CDC42SE2: variants seen among roughly 807,000 people sequenced by gnomAD.
CDC42SE2 encodes CDC42 small effector protein 2.
Under a neutral mutation model 11.5 loss-of-function variants are expected in CDC42SE2, and 3 were observed. That is an observed-to-expected ratio of 0.26 (90% CI 0.12 to 0.67). The LOEUF (loss-of-function observed/expected upper bound fraction) is 0.67, where lower values mean the gene tolerates loss of function less well. Among genes scored for constraint, CDC42SE2 ranks in the 30% least tolerant of loss-of-function variants. CDC42SE2 has a pLI of 0.80. For missense variants in CDC42SE2, 82 were observed against 106.8 expected, an observed-to-expected ratio of 0.77 and a Z score of 1.02; for synonymous variants, 33 against 34.8, an observed-to-expected ratio of 0.95 and a Z score of 0.18.
chr5:131,290,951 G>A (rs1016658297), intron 1 of CDC42SE2, among the ~76,000 whole-genome samples: 6 of 152,044 alleles, frequency 3.9e-5, no homozygotes, highest in African/African-American at 7.2e-5. Context: ...ATTTTTCCCA[G>A]AGTTCAAGAT....
chr5:131,265,653 TGGC>T (rs1336928109), intron 1 of CDC42SE2, among the ~76,000 whole-genome samples: 1 of 152,184 alleles, frequency 6.6e-6, no homozygotes, highest in African/African-American at 2.4e-5. Flanking sequence ...TTGGGAAAGA[TGGC>T]AGGTGAACTG....
chr5:131,225,862 T>C, the CDC42SE2 span, among the ~76,000 whole-genome samples: 4 of 152,192 alleles, frequency 2.6e-5, no homozygotes, highest in African/African-American at 7.2e-5. Flanking sequence ...ATCTTACCAA[T>C]TGTGATTGAT....
chr5:131,347,464 C>G (rs1265583070), intron 2 of CDC42SE2, among the ~76,000 whole-genome samples: 2 of 152,136 alleles, frequency 1.3e-5, no homozygotes, highest in Admixed American at 1.3e-4. Flanking sequence ...AGTTGAATCC[C>G]TGAATAGACC....
At chr5:131,270,433 T>C (rs1446115335) in intron 1 of CDC42SE2, among the ~76,000 whole-genome samples, 1 of 152,216 alleles carries the variant, frequency 6.6e-6, no homozygotes, top group Non-Finnish European at 1.5e-5. Flanking sequence ...TTCATTTGAC[T>C]TAATAAAACT....
intron 3 of CDC42SE2, among the ~76,000 whole-genome samples, chr5:131,367,725 ATTCT>A (rs1219190497): frequency 6.6e-6 from 1 of 152,126 alleles, no homozygotes; most frequent in African/African-American, 2.4e-5. Context: ...CTGAATACAA[ATTCT>A]TTGTTGGTTA....
At chr5:131,318,842 G>A (rs1256788637) in intron 2 of CDC42SE2, among the ~76,000 whole-genome samples, 1 of 152,202 alleles carries the variant, frequency 6.6e-6, no homozygotes, top group Non-Finnish European at 1.5e-5. Flanking sequence ...AACTTGAATT[G>A]TGAGTTAGGT....
chr5:131,325,276 A>G (rs1758272611), intron 2 of CDC42SE2, among the ~76,000 whole-genome samples: 1 of 152,224 alleles, frequency 6.6e-6, no homozygotes, highest in Non-Finnish European at 1.5e-5. Context: ...CTACACAGCT[A>G]CTATAGTGTG....
In CDC42SE2 at chr5:131,307,623, A is replaced by G. The variant is rs1253267728; in HGVS notation, c.-454-8353A>G. On this transcript the variant is annotated intron_variant, in intron 1 of 4. Coordinates refer to ENST00000505065, the MANE Select transcript of CDC42SE2 (RefSeq NM_001375635.1). ...GGTCAAATGGTATTTCTAGTTCTAG[A>G]TCCCTGAGGAATTGCCACACTGACT... 2.6e-5 allele frequency among the ~76,000 whole-genome samples: 4 copies of G among 152,104 alleles called. No homozygotes were observed. The East Asian group carries it at 7.7e-4, about 29-fold the overall frequency.
At chr5:131,382,023 C>G (rs1326788069) in intron 3 of CDC42SE2, among the ~76,000 whole-genome samples, 1 of 152,206 alleles carries the variant, frequency 6.6e-6, no homozygotes, top group Non-Finnish European at 1.5e-5. Flanking sequence ...AAGCTTCTTT[C>G]ATATCTCACA....
chr5:131,346,465 T>C (rs1580769535), intron 2 of CDC42SE2, among the ~76,000 whole-genome samples: 1 of 152,202 alleles, frequency 6.6e-6, no homozygotes, highest in African/African-American at 2.4e-5. Flanking sequence ...GTCCTAAATA[T>C]ATGTGCATCT....
the CDC42SE2 span, among the ~76,000 whole-genome samples, chr5:131,212,297 G>A: frequency 3.9e-5 from 6 of 152,020 alleles, no homozygotes; most frequent in Admixed American, 1.3e-4. Flanking sequence ...TAGCAGAGAC[G>A]GGGTTTTACT....
chr5:131,219,861 CA>C, the CDC42SE2 span, among the ~76,000 whole-genome samples: 1 of 152,060 alleles, frequency 6.6e-6, no homozygotes, highest in Admixed American at 6.6e-5. Flanking sequence ...CACTTGAGCC[CA>C]GGGGGCAGAG....
At chr5:131,238,239 T>C in the CDC42SE2 span, among the ~76,000 whole-genome samples, 2 of 152,144 alleles carry the variant, frequency 1.3e-5, no homozygotes, top group African/African-American at 4.8e-5. Flanking sequence ...GGCTCATGCC[T>C]GTAATCCCAG....
chr5:131,227,312 A>G, the CDC42SE2 span, among the ~76,000 whole-genome samples: 1 of 152,062 alleles, frequency 6.6e-6, no homozygotes, highest in African/African-American at 2.4e-5. Flanking sequence ...TATAAGGAAG[A>G]AAGACTTTAC....
chr5:131,282,484 C>T (rs113276519), intron 1 of CDC42SE2, among the ~76,000 whole-genome samples: 254 of 152,136 alleles, frequency 1.7e-3, no homozygotes, highest in African/African-American at 5.7e-3. Context: ...GTTTCAAAAG[C>T]GCTTTGGCAT....
chr5:131,256,609 C>G (rs1243543446), intron 2 of CDC42SE2, among the ~76,000 whole-genome samples: 1 of 152,116 alleles, frequency 6.6e-6, no homozygotes, highest in African/African-American at 2.4e-5. Context: ...GAATCTGCTC[C>G]CAAGCTCTTT....
At chr5:131,233,558 G>T in the CDC42SE2 span, among the ~76,000 whole-genome samples, 5 of 152,280 alleles carry the variant, frequency 3.3e-5, no homozygotes, top group South Asian at 8.3e-4. Flanking sequence ...AGTAGAGATG[G>T]GGTTTCACCC....
intron 2 of CDC42SE2, among the ~76,000 whole-genome samples, chr5:131,258,958 A>C (rs1756701733): frequency 6.6e-6 from 1 of 152,218 alleles, no homozygotes; most frequent in Admixed American, 6.5e-5. Flanking sequence ...GATGAGCAGC[A>C]AGGGTCAGCC....
intron 3 of CDC42SE2, among the ~76,000 whole-genome samples, chr5:131,365,661 A>G (rs909070173): frequency 7.9e-5 from 12 of 152,182 alleles, no homozygotes; most frequent in Non-Finnish European, 1.8e-4. Flanking sequence ...CTTAAACTAA[A>G]TGGATTTACT....
Sources: allele counts gnomAD v4.1 joint callset (sites outside exome capture counted in the v4.1 genomes callset), GRCh38; gene constraint gnomAD v4.1.1; transcripts MANE v1.5; gene names NCBI Gene and HGNC (gene_info 2026-07-23, HGNC 2026-07-21).